Variants in SLC24A3 observed in about 807,000 individuals in gnomAD.
SLC24A3 encodes solute carrier family 24 member 3.
In SLC24A3, 28 loss-of-function variants were observed where a neutral mutation model predicts 75.8. The ratio of observed to expected loss-of-function variants is 0.37; its 90% CI spans 0.27 to 0.51. SLC24A3 has a LOEUF of 0.51. SLC24A3 is among the 20% of genes least tolerant of loss of function. The probability of loss-of-function intolerance (pLI) is 0.94; values close to 1 mark genes in which losing one functional copy is unlikely to be tolerated. For missense variants in SLC24A3, 663 were observed against 847.8 expected, an observed-to-expected ratio of 0.78 and a Z score of 2.71; for synonymous variants, 372 against 334.1, an observed-to-expected ratio of 1.11 and a Z score of -1.24.
chr20:19,568,929 G>A (rs2031004611), intron 3 of SLC24A3, among the ~76,000 whole-genome samples: 1 of 152,132 alleles, frequency 6.6e-6, no homozygotes, highest in Non-Finnish European at 1.5e-5. Context: ...TAATGATGCA[G>A]CCCCTCTCGG....
intron 3 of SLC24A3, among the ~76,000 whole-genome samples, chr20:19,535,727 A>C (rs1037434944): frequency 6.6e-6 from 1 of 152,170 alleles, no homozygotes; most frequent in Non-Finnish European, 1.5e-5. Context: ...AACAAAAAGA[A>C]TCTTGGACCT....
intron 3 of SLC24A3, among the ~76,000 whole-genome samples, chr20:19,518,969 TC>T (rs1310368707): frequency 1.3e-5 from 2 of 152,100 alleles, no homozygotes; most frequent in Non-Finnish European, 2.9e-5. Flanking sequence ...GACTGCCTTA[TC>T]CAGGCAGGGG....
chr20:19,276,339 G>A (rs1010274448), intron 1 of SLC24A3, among the ~76,000 whole-genome samples: 2 of 152,174 alleles, frequency 1.3e-5, no homozygotes, highest in African/African-American at 2.4e-5. Context: ...GGGGATGCTC[G>A]TCCTCACTGC....
At chr20:19,366,367 T>C (rs536434826) in intron 2 of SLC24A3, among the ~76,000 whole-genome samples, 1 of 152,226 alleles carries the variant, frequency 6.6e-6, no homozygotes, top group Non-Finnish European at 1.5e-5. Flanking sequence ...AAACGACCTT[T>C]AAATGTCATT....
intron 6 of SLC24A3, among the ~76,000 whole-genome samples, chr20:19,619,245 T>G (rs933124206): frequency 6.6e-6 from 1 of 152,112 alleles, no homozygotes; most frequent in African/African-American, 2.4e-5. Flanking sequence ...TGGTTTGCTC[T>G]CTCTCTTTTT....
intron 2 of SLC24A3, among the ~76,000 whole-genome samples, chr20:19,373,900 A>G (rs1986033450): frequency 6.6e-6 from 1 of 152,160 alleles, no homozygotes; most frequent in Non-Finnish European, 1.5e-5. Context: ...GTGTCTATCT[A>G]CGAACCCTAG....
At chr20:19,487,253 C>T (rs1371726875) in intron 2 of SLC24A3, among the ~76,000 whole-genome samples, 1 of 152,158 alleles carries the variant, frequency 6.6e-6, no homozygotes. Flanking sequence ...AGGAAGGACT[C>T]AGAGGCTGGA....
In SLC24A3 at chr20:19,698,609, G is replaced by C. The variant is rs1176181756; in HGVS notation, c.1648G>C (p.Val550Leu). 1.3e-6 allele frequency: 2 copies of C among 1,595,606 alleles called. No individual in the cohort carries two copies. The highest frequency in any genetic ancestry group is 1.3e-5 in the African/African-American group (1 of 74,820). The change falls in exon 15 of 17, where the codon GTG (valine) becomes CTG (leucine). Residue 550 changes from valine to leucine, a missense_variant. Val to Leu is a conservative substitution (Grantham distance 32). Transcript: ENST00000328041. ...MAVSNSIGSN[V>L]FDILIGLGLP... ...TGTGTCCAACTCCATTGGGAGCAAC[G>C]TGTTTGACATCCTGATTGGCCTCGG...
At chr20:19,613,382 T>G (rs1405878122) in intron 6 of SLC24A3, among the ~76,000 whole-genome samples, 1 of 152,202 alleles carries the variant, frequency 6.6e-6, no homozygotes, top group East Asian at 1.9e-4. Flanking sequence ...CTATCCCCAA[T>G]GGCTTATAGT....
At chr20:19,400,565 C>A (rs1361223135) in intron 2 of SLC24A3, among the ~76,000 whole-genome samples, 4 of 152,184 alleles carry the variant, frequency 2.6e-5, no homozygotes, top group Non-Finnish European at 5.9e-5. Flanking sequence ...CTGATCAGTG[C>A]TCAGCTGAAT....
At chr20:19,231,559 G>A (rs186586682) in intron 1 of SLC24A3, among the ~76,000 whole-genome samples, 8 of 152,178 alleles carry the variant, frequency 5.3e-5, no homozygotes, top group African/African-American at 1.9e-4. Context: ...GCCAAGGAAT[G>A]GGGGGTGCCT....
At chr20:19,517,662 C>T (rs1266099143) in intron 3 of SLC24A3, among the ~76,000 whole-genome samples, 1 of 152,198 alleles carries the variant, frequency 6.6e-6, no homozygotes, top group Admixed American at 6.5e-5. Flanking sequence ...AGTTCATGGA[C>T]CAAGGCCAGT....
Position 19,667,873 on chromosome 20 carries a change from G to A in SLC24A3, c.713+1984G>A, listed in dbSNP as rs185906027. Among the ~76,000 whole-genome samples, 5 of 152,256 alleles carry A rather than the reference G, an allele frequency of 3.3e-5. No individual in the cohort carries two copies. In the East Asian group the frequency reaches 5.8e-4, roughly 18 times the overall value. On this transcript the variant is annotated intron_variant, in intron 8 of 16. Coordinates refer to ENST00000328041, the MANE Select transcript of SLC24A3 (RefSeq NM_020689.4). ...TAACCCCATCCTAGGGTAGGTGCCC[G>A]AGGCTGCAGCAGAAGGGTCTAGATT... is the stretch of plus-strand genomic sequence containing the variant.
chr20:19,313,664 A>G (rs552328668), intron 2 of SLC24A3, among the ~76,000 whole-genome samples: 1 of 152,360 alleles, frequency 6.6e-6, no homozygotes, highest in South Asian at 2.1e-4. Flanking sequence ...TTTAACTAAG[A>G]ATCCGAGGCA....
chr20:19,650,054 G>C (rs2032183761), intron 6 of SLC24A3, among the ~76,000 whole-genome samples: 1 of 152,154 alleles, frequency 6.6e-6, no homozygotes, highest in South Asian at 2.1e-4. Context: ...AGATCTCACT[G>C]TAAGTACCAT....
At chr20:19,374,952 G>T (rs1485526037) in intron 2 of SLC24A3, among the ~76,000 whole-genome samples, 1 of 152,134 alleles carries the variant, frequency 6.6e-6, no homozygotes, top group African/African-American at 2.4e-5. Flanking sequence ...CTTACCCCTT[G>T]GGCAAGGTAA....
intron 2 of SLC24A3, among the ~76,000 whole-genome samples, chr20:19,504,190 C>T (rs1299378702): frequency 6.6e-6 from 1 of 152,110 alleles, no homozygotes; most frequent in Non-Finnish European, 1.5e-5. Context: ...CGTGGAATAA[C>T]AACATCAGGA....
intron 3 of SLC24A3, among the ~76,000 whole-genome samples, chr20:19,577,436 A>G (rs1438789334): frequency 6.6e-6 from 1 of 152,140 alleles, no homozygotes; most frequent in Non-Finnish European, 1.5e-5. Flanking sequence ...TATTTTTGAG[A>G]TTTTTTTCCA....
At chr20:19,337,752 A>G (rs147297412) in intron 2 of SLC24A3, among the ~76,000 whole-genome samples, 66 of 152,338 alleles carry the variant, frequency 4.3e-4, no homozygotes, top group African/African-American at 1.4e-3. Context: ...GCTCTGGGCC[A>G]GGATCAGCTG....
Sources: allele counts gnomAD v4.1 joint callset (sites outside exome capture counted in the v4.1 genomes callset), GRCh38; gene constraint gnomAD v4.1.1; transcripts MANE v1.5; gene names NCBI Gene and HGNC (gene_info 2026-07-23, HGNC 2026-07-21).